FSHR: variants seen among roughly 807,000 people sequenced by gnomAD.
FSHR encodes follicle stimulating hormone receptor, also known as follicle-stimulating hormone receptor.
Under a neutral mutation model 52.1 loss-of-function variants are expected in FSHR, and 46 were observed. The observed-to-expected ratio is 0.88, with a 90% confidence interval of 0.70 to 1.13. The LOEUF (loss-of-function observed/expected upper bound fraction) is 1.13. Among genes scored for constraint, FSHR ranks in the 50% most tolerant of loss-of-function variants. The pLI is 0.00. For missense variants in FSHR, 964 were observed against 834.6 expected, an observed-to-expected ratio of 1.16 and a Z score of -1.91; for synonymous variants, 399 against 309.6, an observed-to-expected ratio of 1.29 and a Z score of -3.03.
At chr2:49,110,113 C>T (rs1413165661) in intron 1 of FSHR, among the ~76,000 whole-genome samples, 2 of 152,024 alleles carry the variant, frequency 1.3e-5, no homozygotes, top group South Asian at 2.1e-4. Flanking sequence ...TTGCTTATGC[C>T]CTTCATATTT....
chr2:48,967,587 A>G (rs1434739512), intron 9 of FSHR, among the ~76,000 whole-genome samples: 8 of 152,194 alleles, frequency 5.3e-5, no homozygotes, highest in Non-Finnish European at 7.3e-5. Context: ...GAGCTGATCT[A>G]TGAAGAGTGC....
chr2:49,059,421 A>AT (rs1329069340), intron 2 of FSHR, among the ~76,000 whole-genome samples: 1 of 151,966 alleles, frequency 6.6e-6, no homozygotes, highest in Non-Finnish European at 1.5e-5. Flanking sequence ...GGGGGAAAAA[A>AT]AAAACAGACA....
intron 2 of FSHR, among the ~76,000 whole-genome samples, chr2:49,050,194 A>T (rs1668803960): frequency 6.6e-6 from 1 of 152,196 alleles, no homozygotes; most frequent in Non-Finnish European, 1.5e-5. Flanking sequence ...TAACTGCTTA[A>T]TTGGCCCAAA....
intron 2 of FSHR, among the ~76,000 whole-genome samples, chr2:49,026,056 C>T (rs952202621): frequency 1.3e-5 from 2 of 152,132 alleles, no homozygotes; most frequent in African/African-American, 4.8e-5. Flanking sequence ...TCCTGACATG[C>T]CTGAGATGGT....
At chr2:49,021,641 G>T (rs1667704923) in intron 2 of FSHR, among the ~76,000 whole-genome samples, 1 of 151,664 alleles carries the variant, frequency 6.6e-6, no homozygotes, top group Non-Finnish European at 1.5e-5. Flanking sequence ...CTGTGACCAG[G>T]GGGCTGGTGA....
chr2:49,146,359 C>G (rs553219743), intron 1 of FSHR, among the ~76,000 whole-genome samples: 18 of 152,140 alleles, frequency 1.2e-4, no homozygotes, highest in Admixed American at 3.9e-4. Context: ...AGGGGCCTTT[C>G]TTTCTCAAGT....
At chr2:49,043,660 A>G (rs1214058115) in intron 2 of FSHR, among the ~76,000 whole-genome samples, 1 of 152,192 alleles carries the variant, frequency 6.6e-6, no homozygotes, top group African/African-American at 2.4e-5. Context: ...GGGGCATAAA[A>G]AAACCAAATG....
At chr2:49,076,907 T>G (rs982397151) in intron 1 of FSHR, among the ~76,000 whole-genome samples, 1 of 152,174 alleles carries the variant, frequency 6.6e-6, no homozygotes, top group African/African-American at 2.4e-5. Flanking sequence ...CAGGTCACAG[T>G]AATGTAAGAG....
intron 1 of FSHR, among the ~76,000 whole-genome samples, chr2:49,114,010 G>T (rs547112018): frequency 6.6e-6 from 1 of 152,100 alleles, no homozygotes. Context: ...CATTTTTCCA[G>T]CTTCCAGGTC....
At chr2:49,035,589 C>G (rs60423560) in intron 2 of FSHR, among the ~76,000 whole-genome samples, 4,701 of 152,250 alleles carry the variant, frequency 0.031, 208 homozygotes, top group African/African-American at 0.1. Flanking sequence ...TCCTAATCCT[C>G]TATCAAAACA....
At chr2:48,981,993 G>C (rs1174067357) in intron 8 of FSHR, among the ~76,000 whole-genome samples, 2 of 152,166 alleles carry the variant, frequency 1.3e-5, no homozygotes, top group South Asian at 2.1e-4. Context: ...ATTCCTTCTT[G>C]TACCTCATTC....
At chr2:49,112,596 A>T (rs889510870) in intron 1 of FSHR, among the ~76,000 whole-genome samples, 8 of 152,210 alleles carry the variant, frequency 5.3e-5, no homozygotes, top group Non-Finnish European at 1.5e-5. Flanking sequence ...ATGTCTTTGA[A>T]GTCTTTAAGC....
At chr2:49,060,232 G>T (rs1002437311) in intron 2 of FSHR, among the ~76,000 whole-genome samples, 1 of 152,006 alleles carries the variant, frequency 6.6e-6, no homozygotes, top group Admixed American at 6.6e-5. Flanking sequence ...CTTACATATT[G>T]TTCGTGGGAC....
chr2:49,134,634 T>C (rs1404049957), intron 1 of FSHR, among the ~76,000 whole-genome samples: 1 of 152,206 alleles, frequency 6.6e-6, no homozygotes, highest in Non-Finnish European at 1.5e-5. Context: ...ATTGTGGCAC[T>C]ATTCACAATA....
chr2:49,128,016 C>A (rs1450415526), intron 1 of FSHR, among the ~76,000 whole-genome samples: 1 of 151,310 alleles, frequency 6.6e-6, no homozygotes, highest in Non-Finnish European at 1.5e-5. Flanking sequence ...CCTCAGCCTC[C>A]CAAGTAGCTG....
intron 2 of FSHR, among the ~76,000 whole-genome samples, chr2:49,037,032 C>A (rs1668294697): frequency 6.6e-6 from 1 of 152,166 alleles, no homozygotes; most frequent in Non-Finnish European, 1.5e-5. Context: ...CACTTGGGAA[C>A]ATGAGCCCAA....
intron 2 of FSHR, among the ~76,000 whole-genome samples, chr2:49,021,539 C>T (rs1667697244): frequency 6.8e-6 from 1 of 147,014 alleles, no homozygotes; most frequent in South Asian, 2.2e-4. Context: ...AAGAGAAAGG[C>T]CTGGAGGGGA....
Position 48,983,080 on chromosome 2 carries a change from A to G in FSHR, c.593+18T>C. ...ATTTCCCTTTAAATGGCCTTGAAGA[A>G]TAGTCAGGGCTACTTACAGCTCATC... On this transcript the variant is annotated intron_variant, in intron 7 of 9. Coordinates refer to ENST00000406846, the MANE Select transcript of FSHR (RefSeq NM_000145.4). The G allele has an allele frequency of 5.6e-6, 9 of 1,612,994 alleles. No homozygotes were observed. The highest frequency in any genetic ancestry group is 7.6e-6 in the Non-Finnish European group (9 of 1,178,912).
chr2:49,088,781 C>T (rs538436554), intron 1 of FSHR, among the ~76,000 whole-genome samples: 1 of 152,276 alleles, frequency 6.6e-6, no homozygotes, highest in South Asian at 2.1e-4. Flanking sequence ...TCCATGAACT[C>T]TGGCTGACTG....
Sources: gnomAD v4.1 joint callset for allele counts (sites outside exome capture counted in the v4.1 genomes callset) on GRCh38, gnomAD v4.1.1 for gene constraint, MANE v1.5 for transcripts, NCBI Gene and HGNC (gene_info 2026-07-23, HGNC 2026-07-21) for gene names.